Variants in EFCAB3 observed in about 807,000 individuals in gnomAD.
EFCAB3 encodes the protein EF-hand calcium binding domain 3.
In EFCAB3, 36 loss-of-function variants were observed where a neutral mutation model predicts 42.2. That is an observed-to-expected ratio of 0.85 (90% CI 0.65 to 1.13). The LOEUF is 1.13. Ranked by LOEUF, EFCAB3 falls within the 50% of genes most tolerant of loss-of-function variation. The probability of loss-of-function intolerance (pLI) is 0.00; values close to 1 mark genes in which losing one functional copy is unlikely to be tolerated. For missense variants in EFCAB3, 418 were observed against 505.1 expected, an observed-to-expected ratio of 0.83 and a Z score of 1.65; for synonymous variants, 170 against 172.8, an observed-to-expected ratio of 0.98 and a Z score of 0.13.
intron 1 of EFCAB3, among the ~76,000 whole-genome samples, chr17:62,370,937 A>T (rs2070110143): frequency 6.6e-6 from 1 of 151,794 alleles, no homozygotes; most frequent in Admixed American, 6.6e-5. Context: ...AAAAAAAAAA[A>T]TTTAATTATC....
At position 62,415,059 on chromosome 17, in the gene EFCAB3, G is replaced by A. The variant is rs141337067; in HGVS notation, c.991-944G>A. Reference sequence around the variant, plus strand: ...GCAGAGGTTGTGATGAGCCAAGATCGTACTACTGCAGTCCAGGTTAGGCAA... The same window carrying A: ...GCAGAGGTTGTGATGAGCCAAGATCATACTACTGCAGTCCAGGTTAGGCAA... On this transcript the variant is annotated intron_variant, in intron 9 of 9. Transcript: ENST00000305286. 5.4e-3 allele frequency among the ~76,000 whole-genome samples: 813 copies of A among 151,712 alleles called. 11 individuals are homozygous for A. The highest frequency in any genetic ancestry group is 0.017 in the African/African-American group (709 of 41,278).
intron 1 of EFCAB3, among the ~76,000 whole-genome samples, chr17:62,381,309 G>C (rs938316523): frequency 1.3e-5 from 2 of 151,874 alleles, no homozygotes; most frequent in Non-Finnish European, 2.9e-5. Flanking sequence ...TCATCCATGT[G>C]CCTACAAAGG....
chr17:62,387,285 T>C (rs1300716162), intron 2 of EFCAB3, 55 bp from the exon 3 acceptor site: 2 of 1,378,922 alleles, frequency 1.5e-6, no homozygotes, highest in Admixed American at 1.8e-5. Context: ...GTAAGACTAA[T>C]ATCTGCTGGT....
chr17:62,380,524 A>C, upstream of EFCAB3: 2 of 982,968 alleles, frequency 2.0e-6, no homozygotes, highest in Non-Finnish European at 2.4e-6. Context: ...GCAGTGAATG[A>C]GGTCACAGTT....
At position 62,409,174 on chromosome 17, in the gene EFCAB3, C is replaced by T. The variant is rs151161327; in HGVS notation, c.867+1962C>T. 8.3e-3 allele frequency among the ~76,000 whole-genome samples: 1,268 copies of T among 152,304 alleles called. 20 individuals are homozygous for T. Among genetic ancestry groups the T allele is most frequent in the African/African-American group, 0.029 (1,218 of 41,566 alleles). The stretch of plus-strand genomic sequence containing the variant: ...CCAGGTTCAAGCAATTCTCCTGCCT[C>T]AGCCTCCCAAATAGCTGGACCACAG... On this transcript the variant is annotated intron_variant, in intron 8 of 9. Transcript: ENST00000305286.
At chr17:62,380,217 G>A (rs1340275248), upstream of EFCAB3, among the ~76,000 whole-genome samples, 1 of 152,104 alleles carries the variant, frequency 6.6e-6, no homozygotes, top group Non-Finnish European at 1.5e-5. Flanking sequence ...GGCCAGGCTG[G>A]TTTCAAACTC....
At chr17:62,396,570 A>G (rs772528994) in intron 6 of EFCAB3, among the ~76,000 whole-genome samples, 7 of 150,834 alleles carry the variant, frequency 4.6e-5, no homozygotes, top group East Asian at 1.9e-4. Flanking sequence ...ATAAAAAAGA[A>G]AAAAAAAAGA....
chr17:62,399,508 C>T (rs1463339103), intron 6 of EFCAB3, among the ~76,000 whole-genome samples: 3 of 152,114 alleles, frequency 2.0e-5, no homozygotes, highest in South Asian at 2.1e-4. Flanking sequence ...CCTCTATGTG[C>T]GCTGCATTCC....
At chr17:62,414,564 A>G (rs1396103129) in intron 9 of EFCAB3, among the ~76,000 whole-genome samples, 1 of 140,350 alleles carries the variant, frequency 7.1e-6, no homozygotes, top group African/African-American at 2.6e-5. Context: ...TCTGTATCTC[A>G]GGTGTTTGTT....
intron 9 of EFCAB3, 101 bp from the exon 10 acceptor site, chr17:62,415,902 G>A (rs2070543185): frequency 1.1e-5 from 11 of 1,022,128 alleles, no homozygotes; most frequent in South Asian, 6.8e-5. Flanking sequence ...AGTGACTTTC[G>A]AGTAGCCCAG....
At chr17:62,412,924 C>T (rs1352242174) in intron 8 of EFCAB3, among the ~76,000 whole-genome samples, 1 of 151,988 alleles carries the variant, frequency 6.6e-6, no homozygotes, top group Non-Finnish European at 1.5e-5. Context: ...GATTATTCAA[C>T]AAATAATGCA....
At chr17:62,375,270 A>G (rs1047883040) in intron 2 of EFCAB3, among the ~76,000 whole-genome samples, 4 of 152,222 alleles carry the variant, frequency 2.6e-5, no homozygotes, top group African/African-American at 7.2e-5. Flanking sequence ...AAAAGAAAAA[A>G]TATCTACCTT....
rs188111366 is a variant in EFCAB3, at chr17:62,406,295, C to A, written c.489-185C>A. On this transcript the variant is annotated intron_variant, in intron 6 of 9. Coordinates refer to ENST00000305286, the MANE Select transcript of EFCAB3 (RefSeq NM_173503.4). ...ATACAGATATAAATAGTCAAATGGCCTGTGGAAGGTATCAGTAAATATTCT... is the reference window on the plus strand; with the variant it reads ...ATACAGATATAAATAGTCAAATGGCATGTGGAAGGTATCAGTAAATATTCT... Among the ~76,000 whole-genome samples the A allele has an allele frequency of 2.0e-4, 30 of 152,186 alleles. No individual in the cohort carries two copies. In the South Asian group the frequency reaches 3.1e-3, roughly 16 times the overall value.
chr17:62,378,060 C>CA, upstream of EFCAB3: 1 of 1,479,760 alleles, frequency 6.8e-7, no homozygotes, highest in South Asian at 1.3e-5. Flanking sequence ...AAAGATGGGG[C>CA]TTAATACTTT....
intron 9 of EFCAB3, among the ~76,000 whole-genome samples, chr17:62,415,109 CAAAAA>C: frequency 7.1e-6 from 1 of 141,008 alleles, no homozygotes; most frequent in Admixed American, 7.4e-5. Context: ...GTCTCAAAAA[CAAAAA>C]AAAACAAAAA....
In EFCAB3 at chr17:62,383,048, T is replaced by A. The variant is rs921348838; in HGVS notation, c.69T>A (p.Asn23Lys). 1.2e-6 allele frequency: 2 copies of A among 1,611,516 alleles called. No individual in the cohort carries two copies. The highest frequency in any genetic ancestry group is 1.7e-6 in the Non-Finnish European group (2 of 1,178,712). The change falls in exon 2 of 10, where the codon AAT (asparagine) becomes AAA (lysine). Residue 23 changes from asparagine to lysine, a missense_variant. By Grantham distance (94) the Asn-to-Lys change is moderately conservative. Transcript: ENST00000305286. ...TAACAAAAGTACCCATCTCCCACAA[T>A]AAAAGGTAGGTAATGAATGATTAAG... The part of the protein sequence containing the change: ...NPLTKVPISH[N>K]KRDRDLPGSL...
At chr17:62,377,548 C>T (rs1054656730), upstream of EFCAB3, among the ~76,000 whole-genome samples, 2 of 152,122 alleles carry the variant, frequency 1.3e-5, no homozygotes, top group Non-Finnish European at 2.9e-5. Flanking sequence ...GTTAATTATA[C>T]CCACATATTT....
In EFCAB3 at chr17:62,407,112, A is replaced by G. The variant is rs759200960; in HGVS notation, c.767A>G (p.Lys256Arg). ...AATGTGGATGGGGTGGTGATGGGAAAGCCATTCAAAGACATGCAGAAATTA... is the reference window on the plus strand; with the variant it reads ...AATGTGGATGGGGTGGTGATGGGAAGGCCATTCAAAGACATGCAGAAATTA... The part of the protein sequence containing the change: ...FPNVDGVVMG[K>R]PFKDMQKLEM... The change falls in exon 8 of 10, where the codon AAG becomes AGG. Residue 256 changes from lysine (K) to arginine (R), a missense_variant. Coordinates refer to ENST00000305286, the MANE Select transcript of EFCAB3 (RefSeq NM_173503.4). 9 of 1,613,374 alleles carry G rather than the reference A, an allele frequency of 5.6e-6. No individual in the cohort carries two copies. In the Admixed American group the frequency reaches 1.3e-4, roughly 24 times the overall value.
At chr17:62,415,965 T>C (rs1451315446) in intron 9 of EFCAB3, 38 bp from the exon 10 acceptor site, 1 of 1,508,510 alleles carries the variant, frequency 6.6e-7, no homozygotes, top group African/African-American at 1.4e-5. Flanking sequence ...AAAGCTACTT[T>C]AAGGTAACTA....
Sources: allele counts gnomAD v4.1 joint callset (sites outside exome capture counted in the v4.1 genomes callset), GRCh38; gene constraint gnomAD v4.1.1; transcripts MANE v1.5; gene names NCBI Gene and HGNC (gene_info 2026-07-23, HGNC 2026-07-21).